Variants in MSRA observed in about 807,000 individuals in gnomAD.
MSRA encodes the protein methionine sulfoxide reductase A.
In MSRA, 54 loss-of-function variants were observed where a neutral mutation model predicts 31.3. The ratio of observed to expected loss-of-function variants is 1.73; its 90% CI spans 1.39 to 2.17. The LOEUF (loss-of-function observed/expected upper bound fraction) is 2.17. Among genes scored for constraint, MSRA ranks in the 30% most tolerant of loss-of-function variants. The pLI, the probability that MSRA is intolerant of heterozygous loss-of-function variation, is 0.00. For synonymous variants in MSRA, 169 were observed against 116.5 expected (o/e 1.45, Z -2.90); for missense variants, 507 against 300.9 (o/e 1.69, Z -5.07).
intron 1 of MSRA, among the ~76,000 whole-genome samples, chr8:10,115,974 C>G (rs1286769986): frequency 1.3e-5 from 2 of 152,230 alleles, no homozygotes; most frequent in South Asian, 2.1e-4. Flanking sequence ...TCCCCTTCAC[C>G]TCCCACTTGA....
intron 5 of MSRA, among the ~76,000 whole-genome samples, chr8:10,404,563 G>C (rs1235989280): frequency 6.6e-6 from 1 of 152,236 alleles, no homozygotes; most frequent in Non-Finnish European, 1.5e-5. Flanking sequence ...CCTACGATCT[G>C]CCGTCAGCAG....
intron 3 of MSRA, among the ~76,000 whole-genome samples, chr8:10,264,147 C>A (rs1427841661): frequency 1.3e-5 from 2 of 152,176 alleles, no homozygotes; most frequent in Non-Finnish European, 2.9e-5. Context: ...GAGACCTGTT[C>A]TTGTAGAAGC....
chr8:10,272,560 A>T (rs1187574367), intron 3 of MSRA, among the ~76,000 whole-genome samples: 1 of 152,222 alleles, frequency 6.6e-6, no homozygotes, highest in Non-Finnish European at 1.5e-5. Flanking sequence ...CTACGGATTC[A>T]AATGCTAATG....
chr8:10,245,795 G>A (rs527681376), intron 3 of MSRA, among the ~76,000 whole-genome samples: 7 of 152,330 alleles, frequency 4.6e-5, no homozygotes, highest in Admixed American at 6.5e-5. Flanking sequence ...TTTGTGTTAC[G>A]TTCACTTTTA....
At chr8:10,140,103 G>A (rs1802584507) in intron 1 of MSRA, among the ~76,000 whole-genome samples, 1 of 152,238 alleles carries the variant, frequency 6.6e-6, no homozygotes. Context: ...GTTTGATGAA[G>A]AGAGGACAGA....
intron 5 of MSRA, among the ~76,000 whole-genome samples, chr8:10,418,813 A>C (rs1280711160): frequency 2.1e-5 from 1 of 46,854 alleles, no homozygotes; most frequent in Non-Finnish European, 4.2e-5. Flanking sequence ...TTTTACTACG[A>C]CTAAAAAAAA....
rs146047765 is a variant in MSRA at position 10,386,706 on chromosome 8, C to G, written c.544-41442C>G. Among the ~76,000 whole-genome samples the G allele has an allele frequency of 2.0e-3, 297 of 152,140 alleles. 3 individuals carry two copies. Among genetic ancestry groups the G allele is most frequent in the Admixed American group, 3.5e-3 (53 of 15,292 alleles). On this transcript the variant is annotated intron_variant, in intron 5 of 5. Transcript: ENST00000317173. ...GGTGATGCTGCTGATCCCAGGATCA[C>G]ACTTTGAAAACCACTGGTCTAATTT... is the stretch of plus-strand genomic sequence containing the variant.
At chr8:10,104,286 A>C (rs1799729238) in intron 1 of MSRA, among the ~76,000 whole-genome samples, 1 of 152,208 alleles carries the variant, frequency 6.6e-6, no homozygotes, top group Non-Finnish European at 1.5e-5. Context: ...TGAACCCAAA[A>C]GTATCTGAGA....
chr8:10,159,737 CCAG>C (rs1804477952), intron 1 of MSRA, among the ~76,000 whole-genome samples: 1 of 152,106 alleles, frequency 6.6e-6, no homozygotes, highest in Admixed American at 6.5e-5. Context: ...GTCTTCATTT[CCAG>C]CAACAATCTT....
intron 4 of MSRA, among the ~76,000 whole-genome samples, chr8:10,307,840 A>G (rs1801223772): frequency 6.6e-6 from 1 of 152,202 alleles, no homozygotes; most frequent in Admixed American, 6.5e-5. Flanking sequence ...GTGTAGTTTA[A>G]GAATTTTAGC....
rs1585204397 is a variant in MSRA, at chr8:10,221,997, T to C, written c.211+14096T>C. 1.4e-5 allele frequency among the ~76,000 whole-genome samples: 2 copies of C among 145,354 alleles called. 1 individual carries two copies. The highest frequency in any genetic ancestry group is 4.2e-4 in the South Asian group (2 of 4,708). The stretch of plus-strand genomic sequence containing the variant: ...ATCATGAAGGGCAATTCACAGGTAA[T>C]TCGTGGGTAATTGTGGGGACTTTAA... On this transcript the variant is annotated intron_variant, in intron 2 of 5. Transcript: ENST00000317173.
intron 3 of MSRA, among the ~76,000 whole-genome samples, chr8:10,257,317 C>T (rs1395814730): frequency 5.3e-5 from 8 of 152,196 alleles, no homozygotes; most frequent in East Asian, 1.9e-4. Flanking sequence ...ACCCCCGGAA[C>T]ATTTGACCTC....
In MSRA at chr8:10,380,919, TGATG is replaced by T. The variant is rs532696432; in HGVS notation, c.544-47219_544-47216del. ...GATGGAAGGCTGGAGGGAGGGGGAG[TGATG>T]GATGGATGGGTGGTGGGAGGGAGGC... is the stretch of plus-strand genomic sequence containing the variant. On this transcript the variant is annotated intron_variant, in intron 5 of 5. Coordinates refer to ENST00000317173, the MANE Select transcript of MSRA (RefSeq NM_012331.5). Among the ~76,000 whole-genome samples the T allele has an allele frequency of 1.1e-3, 128 of 117,464 alleles. 2 individuals are homozygous for T. In the South Asian group the frequency reaches 0.033, roughly 30 times the overall value. The allele number at this position is 117,464 out of a possible 152,430, so 77.1% of individuals were successfully genotyped here.
chr8:10,428,065 C>A, intron 5 of MSRA, 83 bp from the exon 6 acceptor site: 1 of 1,472,256 alleles, frequency 6.8e-7, no homozygotes. Context: ...CTGCTCACTG[C>A]AGCCCTGGCC....
intron 3 of MSRA, among the ~76,000 whole-genome samples, chr8:10,248,764 A>G (rs1052164591): frequency 2.0e-5 from 3 of 152,172 alleles, no homozygotes; most frequent in Non-Finnish European, 4.4e-5. Context: ...TCGTGGGCTC[A>G]CTAATGGGGC....
intron 2 of MSRA, among the ~76,000 whole-genome samples, chr8:10,218,596 A>G (rs1177081317): frequency 6.6e-6 from 1 of 152,198 alleles, no homozygotes; most frequent in South Asian, 2.1e-4. Context: ...CTCTTTATCA[A>G]CTGTATGGTT....
At chr8:10,190,334 C>T (rs140704039) in intron 1 of MSRA, among the ~76,000 whole-genome samples, 108 of 152,324 alleles carry the variant, frequency 7.1e-4, no homozygotes, top group African/African-American at 2.3e-3. Flanking sequence ...TGGGCCGCCC[C>T]TGCCTGTGCC....
chr8:10,294,515 C>G (rs2129119771), intron 3 of MSRA, among the ~76,000 whole-genome samples: 1 of 152,276 alleles, frequency 6.6e-6, no homozygotes, highest in African/African-American at 2.4e-5. Context: ...CACACAGCTG[C>G]TAAGTGACCA....
At chr8:10,281,283 A>C (rs1799609575) in intron 3 of MSRA, among the ~76,000 whole-genome samples, 1 of 152,032 alleles carries the variant, frequency 6.6e-6, no homozygotes, top group Non-Finnish European at 1.5e-5. Flanking sequence ...ACTCTCTCTC[A>C]CCTCTCCCTC....
Sources: gnomAD v4.1 joint callset for allele counts (sites outside exome capture counted in the v4.1 genomes callset) on GRCh38, gnomAD v4.1.1 for gene constraint, MANE v1.5 for transcripts, NCBI Gene and HGNC (gene_info 2026-07-23, HGNC 2026-07-21) for gene names.